Variants in KIRREL3 observed in about 807,000 individuals in gnomAD.
The protein encoded by KIRREL3 is kin of IRRE-like protein 3.
KIRREL3 carries 36 observed loss-of-function variants against 89.7 expected under a neutral mutation model. That is an observed-to-expected ratio of 0.40 (90% confidence interval 0.31 to 0.53). The LOEUF is 0.53. Ranked by LOEUF, KIRREL3 falls within the 20% of genes least tolerant of loss-of-function variation. The probability of loss-of-function intolerance (pLI) is 0.49; values close to 1 mark genes in which losing one functional copy is unlikely to be tolerated. For synonymous variants in KIRREL3, 445 were observed against 441.4 expected (o/e 1.01, Z -0.10); for missense variants, 864 against 1,056.6 (o/e 0.82, Z 2.53).
In KIRREL3 at chr11:126,475,130, C is replaced by G. The variant is rs1957029105; in HGVS notation, c.434-1664G>C. On this transcript the variant is annotated intron_variant, in intron 4 of 16. Coordinates refer to ENST00000525144, the MANE Select transcript of KIRREL3 (RefSeq NM_032531.4). The surrounding 1 kb of genome is among the most constrained non-coding windows in gnomAD (Gnocchi z 7.5). ...TAGTTGGATAACGGGGGCGTGGGAA[C>G]CTAGCACAAAGGGTCCTCTCTGCCT... Among the ~76,000 whole-genome samples, 1 of 152,200 alleles carries G rather than the reference C, an allele frequency of 6.6e-6. No individual in the cohort carries two copies. The highest frequency in any genetic ancestry group is 1.5e-5 in the Non-Finnish European group (1 of 68,026).
rs1240435839 is a variant in KIRREL3, at chr11:126,906,870, T to G, written c.55+93585A>C. ...GTCCATGAAGGGAAGTCAGAGTGGC[T>G]TGGCTGAGCCCTACATTTTCTTTTT... On this transcript the variant is annotated intron_variant, in intron 1 of 16. Coordinates refer to ENST00000525144, the MANE Select transcript of KIRREL3 (RefSeq NM_032531.4). This position sits in a 1 kb window ranked among gnomAD's most constrained non-coding sequence, Gnocchi z 4.1. Among the ~76,000 whole-genome samples, 2 of 152,228 alleles carry G rather than the reference T, an allele frequency of 1.3e-5. No individual in the cohort carries two copies. Among genetic ancestry groups the G allele is most frequent in the Non-Finnish European group, 2.9e-5 (2 of 68,036 alleles).
In KIRREL3 at chr11:126,594,428, G is replaced by A. The variant is rs1942293854; in HGVS notation, c.56-31516C>T. ...CCAATCTTCTTGGAGAAGCTACAGG[G>A]TGTAGGAGAAAGAACATGAGTTTGG... On this transcript the variant is annotated intron_variant, in intron 1 of 16. Transcript: ENST00000525144. The surrounding 1 kb of genome is among the most constrained non-coding windows in gnomAD (Gnocchi z 5.0). 1.3e-5 allele frequency among the ~76,000 whole-genome samples: 2 copies of A among 152,216 alleles called. No individual in the cohort carries two copies. Among genetic ancestry groups the A allele is most frequent in the African/African-American group, 2.4e-5 (1 of 41,458 alleles).
intron 1 of KIRREL3, among the ~76,000 whole-genome samples, chr11:126,585,993 C>G (rs1453045794): frequency 6.6e-6 from 1 of 152,198 alleles, no homozygotes; most frequent in African/African-American, 2.4e-5. Flanking sequence ...TAATGGCCGT[C>G]TGCCTTCCTA....
chr11:126,899,017 G>GT (rs5795535), intron 1 of KIRREL3, among the ~76,000 whole-genome samples: 1 of 150,994 alleles, frequency 6.6e-6, no homozygotes, highest in Non-Finnish European at 1.5e-5. Context: ...TTTGGGGGGG[G>GT]TCTCTCGCAT....
At chr11:126,539,935 G>C (rs757168414) in intron 2 of KIRREL3, among the ~76,000 whole-genome samples, 9 of 152,220 alleles carry the variant, frequency 5.9e-5, no homozygotes, top group Non-Finnish European at 8.8e-5. Flanking sequence ...GAGGGACAAG[G>C]TTACTCCAGT....
rs993133004 is a variant in KIRREL3 at position 126,981,636 on chromosome 11, A to T, written c.55+18819T>A. ...TTTTATGGCACTGTTAAAACCACAC[A>T]TTTGGGTGTCGGAGGAGGTCTCAGC... On this transcript the variant is annotated intron_variant, in intron 1 of 16. Coordinates refer to ENST00000525144, the MANE Select transcript of KIRREL3 (RefSeq NM_032531.4). The surrounding 1 kb of genome is among the most constrained non-coding windows in gnomAD (Gnocchi z 4.2). 9.2e-5 allele frequency among the ~76,000 whole-genome samples: 14 copies of T among 152,170 alleles called. No homozygotes were observed. The highest frequency in any genetic ancestry group is 1.9e-4 in the Non-Finnish European group (13 of 68,026).
At chr11:126,934,281 C>G (rs893785450) in intron 1 of KIRREL3, among the ~76,000 whole-genome samples, 1 of 152,074 alleles carries the variant, frequency 6.6e-6, no homozygotes, top group African/African-American at 2.4e-5. Context: ...TGAACTTAGA[C>G]CCTGGCCTCA....
chr11:126,823,922 G>T (rs1215282563), intron 1 of KIRREL3, among the ~76,000 whole-genome samples: 1 of 152,196 alleles, frequency 6.6e-6, no homozygotes, highest in South Asian at 2.1e-4. Context: ...CAGGGACCAG[G>T]TGAAGAGCCA....
In KIRREL3 at chr11:126,473,470, C is replaced by A; in HGVS notation, c.434-4G>T. 1 of 1,535,800 alleles carries A rather than the reference C, an allele frequency of 6.5e-7. No homozygotes were observed. Among genetic ancestry groups the A allele is most frequent in the Non-Finnish European group, 8.9e-7 (1 of 1,126,734 alleles). On this transcript the variant is annotated splice_polypyrimidine_tract_variant and splice_region_variant and intron_variant, in intron 4 of 16. Coordinates refer to ENST00000525144, the MANE Select transcript of KIRREL3 (RefSeq NM_032531.4). ...ATGACGGGGTCATCAGGCGGCACTG[C>A]GGGGAGAGAAGCAGTGAGGTCAGGC...
intron 1 of KIRREL3, among the ~76,000 whole-genome samples, chr11:126,858,040 C>A (rs932381167): frequency 2.0e-5 from 3 of 152,180 alleles, no homozygotes; most frequent in Admixed American, 6.5e-5. Context: ...AGCCAGGTCC[C>A]CACTTACCGT....
intron 1 of KIRREL3, among the ~76,000 whole-genome samples, chr11:126,777,913 C>T (rs1340230108): frequency 6.6e-6 from 1 of 152,046 alleles, no homozygotes; most frequent in Non-Finnish European, 1.5e-5. Context: ...AATACTGAGT[C>T]CATTGAGCAG....
chr11:126,979,465 G>A (rs978305146), intron 1 of KIRREL3, among the ~76,000 whole-genome samples: 2 of 152,166 alleles, frequency 1.3e-5, no homozygotes, highest in African/African-American at 4.8e-5. Context: ...TGATTTGCGG[G>A]AAATTCATTC....
In KIRREL3 at chr11:126,620,221, T is replaced by C. The variant is rs1352907160; in HGVS notation, c.56-57309A>G. Among the ~76,000 whole-genome samples, 1 of 152,238 alleles carries C rather than the reference T, an allele frequency of 6.6e-6. No individual in the cohort carries two copies. The highest frequency in any genetic ancestry group is 1.5e-5 in the Non-Finnish European group (1 of 68,040). On this transcript the variant is annotated intron_variant, in intron 1 of 16. Coordinates refer to ENST00000525144, the MANE Select transcript of KIRREL3 (RefSeq NM_032531.4). The surrounding 1 kb of genome is among the most constrained non-coding windows in gnomAD (Gnocchi z 4.8). ...ATCAGCTATTATAGTTCCCTTTAGT[T>C]CTTTCTAAACTTCCCTTGTTCTTTG...
rs202144813 is a variant in KIRREL3, at chr11:126,610,215, C to T, written c.56-47303G>A. 2.6e-5 allele frequency among the ~76,000 whole-genome samples: 4 copies of T among 152,164 alleles called. No homozygotes were observed. The highest frequency in any genetic ancestry group is 6.5e-5 in the Admixed American group (1 of 15,278). ...AAGCGATTCTCCTGCCTCAGCCTGC[C>T]GAGTGGCTGGGATTACAGGCATGCA... is the stretch of plus-strand genomic sequence containing the variant. On this transcript the variant is annotated intron_variant, in intron 1 of 16. Transcript: ENST00000525144. The surrounding 1 kb of genome is among the most constrained non-coding windows in gnomAD (Gnocchi z 4.6).
chr11:126,792,444 C>G (rs1403892868), intron 1 of KIRREL3, among the ~76,000 whole-genome samples: 1 of 152,172 alleles, frequency 6.6e-6, no homozygotes, highest in Non-Finnish European at 1.5e-5. Context: ...AGAGCCTAGG[C>G]TGAAACCAAG....
At chr11:126,533,301 G>T (rs1958999814) in intron 2 of KIRREL3, among the ~76,000 whole-genome samples, 1 of 152,182 alleles carries the variant, frequency 6.6e-6, no homozygotes, top group African/African-American at 2.4e-5. Context: ...CAGCCTCTTT[G>T]CGTCCTTATT....
At chr11:126,717,913 A>G (rs983388610) in intron 1 of KIRREL3, among the ~76,000 whole-genome samples, 1 of 152,212 alleles carries the variant, frequency 6.6e-6, no homozygotes, top group Admixed American at 6.5e-5. Flanking sequence ...TAACCATCAT[A>G]AACGGCACAA....
At position 126,990,030 on chromosome 11, in the gene KIRREL3, C is replaced by T. The variant is rs1473504126; in HGVS notation, c.55+10425G>A. Among the ~76,000 whole-genome samples the T allele has an allele frequency of 6.6e-6, 1 of 152,182 alleles. No homozygotes were observed. Among genetic ancestry groups the T allele is most frequent in the African/African-American group, 2.4e-5 (1 of 41,436 alleles). On this transcript the variant is annotated intron_variant, in intron 1 of 16. Coordinates refer to ENST00000525144, the MANE Select transcript of KIRREL3 (RefSeq NM_032531.4). This position sits in a 1 kb window ranked among gnomAD's most constrained non-coding sequence, Gnocchi z 6.3. Reference sequence around the variant, plus strand: ...ACAACAGAAATATTGGCTCCCTGACCCTGGAAGGGTGGAATCACTCCTTGT... The same window carrying T: ...ACAACAGAAATATTGGCTCCCTGACTCTGGAAGGGTGGAATCACTCCTTGT...
At position 126,715,990 on chromosome 11, in the gene KIRREL3, A is replaced by C. The variant is rs1423983298; in HGVS notation, c.56-153078T>G. ...ATACACCCAATGTTAGTTCTTAGGCATGAGGTTGGGCAGGAGAAGGGCGGA... is the reference window on the plus strand; with the variant it reads ...ATACACCCAATGTTAGTTCTTAGGCCTGAGGTTGGGCAGGAGAAGGGCGGA... On this transcript the variant is annotated intron_variant, in intron 1 of 16. Coordinates refer to ENST00000525144, the MANE Select transcript of KIRREL3 (RefSeq NM_032531.4). The surrounding 1 kb of genome is among the most constrained non-coding windows in gnomAD (Gnocchi z 4.4). Among the ~76,000 whole-genome samples the C allele has an allele frequency of 6.6e-6, 1 of 152,074 alleles. No individual in the cohort carries two copies. Among genetic ancestry groups the C allele is most frequent in the Non-Finnish European group, 1.5e-5 (1 of 68,008 alleles).
Sources: allele counts gnomAD v4.1 joint callset (sites outside exome capture counted in the v4.1 genomes callset), GRCh38; gene constraint gnomAD v4.1.1; non-coding constraint Gnocchi (gnomAD v3.1); transcripts MANE v1.5; gene names NCBI Gene and HGNC (gene_info 2026-07-23, HGNC 2026-07-21).